Variants in AP3D1 observed in about 807,000 individuals in gnomAD.
AP3D1 encodes the protein adaptor related protein complex 3 subunit delta 1, also known as AP-3 complex subunit delta-1.
AP3D1 carries 51 observed loss-of-function variants against 147.6 expected under a neutral mutation model. That is an observed-to-expected ratio of 0.35 (90% CI 0.28 to 0.44). The LOEUF (loss-of-function observed/expected upper bound fraction) is 0.44, where lower values mean the gene tolerates loss of function less well. Ranked by LOEUF, AP3D1 falls within the 20% of genes least tolerant of loss-of-function variation. AP3D1 has a pLI of 1.00. For missense variants in AP3D1, 1,421 were observed against 1,624.2 expected (o/e 0.87, Z 2.15); for synonymous variants, 760 against 663.0 (o/e 1.15, Z -2.25).
At chr19:2,149,354 G>C (rs1213225116) in intron 1 of AP3D1, among the ~76,000 whole-genome samples, 1 of 152,078 alleles carries the variant, frequency 6.6e-6, no homozygotes, top group Non-Finnish European at 1.5e-5. Context: ...AGACCAGCCC[G>C]ACCAACATGG....
At chr19:2,126,172 C>G (rs968453698) in intron 9 of AP3D1, among the ~76,000 whole-genome samples, 4 of 152,188 alleles carry the variant, frequency 2.6e-5, no homozygotes, top group African/African-American at 9.6e-5. Flanking sequence ...TTGCCTCGGC[C>G]TCCTGAATAG....
At chr19:2,139,217 GCTTT>G (rs1403857483) in intron 1 of AP3D1, among the ~76,000 whole-genome samples, 1 of 152,060 alleles carries the variant, frequency 6.6e-6, no homozygotes, top group Admixed American at 6.6e-5. Flanking sequence ...GGGAGGGTTC[GCTTT>G]CTTTCTAGGC....
chr19:2,153,946 ATTTT>A (rs879565994), upstream of AP3D1, among the ~76,000 whole-genome samples: 1 of 74,404 alleles, frequency 1.3e-5, no homozygotes, highest in Non-Finnish European at 4.0e-5. Flanking sequence ...CCCAGCCTGA[ATTTT>A]TTTTTTTTTT....
intron 29 of AP3D1, 139 bp from the exon 30 acceptor site, chr19:2,109,346 T>C (rs1330068599): frequency 1.1e-5 from 13 of 1,154,920 alleles, no homozygotes; most frequent in East Asian, 2.6e-5. Context: ...TTGGGGGTCC[T>C]GGAAGGTGTG....
chr19:2,130,276 C>T, intron 6 of AP3D1, 132 bp downstream of exon 6: 2 of 1,407,182 alleles, frequency 1.4e-6, no homozygotes, highest in Non-Finnish European at 1.9e-6. Context: ...CCAGCCACCT[C>T]CAACAGGCAT....
chr19:2,160,998 A>G (rs1446425442), intron 1 of AP3D1, among the ~76,000 whole-genome samples: 3 of 151,874 alleles, frequency 2.0e-5, no homozygotes, highest in Non-Finnish European at 2.9e-5. Flanking sequence ...AGCCCCCAAG[A>G]GACTGCATCC....
chr19:2,160,219 G>A (rs190195202), intron 1 of AP3D1, among the ~76,000 whole-genome samples: 1 of 152,238 alleles, frequency 6.6e-6, no homozygotes, highest in Admixed American at 6.6e-5. Context: ...AAATGGCTCA[G>A]GAAAGAGATG....
rs766517518 is a variant in AP3D1 at position 2,110,857 on chromosome 19, C to G, written c.3025G>C (p.Val1009Leu). Residue 1009 changes from valine (V) to leucine (L), a missense_variant, in exon 27 of 32, where the codon GTC becomes CTC. By Grantham distance (32) the Val-to-Leu change is conservative. This residue lies in a region of AP3D1 where 791 missense variants were observed against 761.4 expected (regional missense o/e 1.04). Coordinates refer to ENST00000643116, the MANE Select transcript of AP3D1 (RefSeq NM_001261826.3). ...IRGSLQEDSQVTVAIVLENRS... is the reference protein window; with the variant it reads ...IRGSLQEDSQLTVAIVLENRS... ...TTCTCCAGCACGATGGCCACAGTGA[C>G]CTGGCTGTCCTCCTGCAGACTGCCC... 3.1e-6 allele frequency: 5 copies of G among 1,613,528 alleles called. No individual in the cohort carries two copies. In the South Asian group the frequency reaches 4.4e-5, roughly 14 times the overall value.
chr19:2,117,380 CAG>C lies in AP3D1; in HGVS notation c.1714-15_1714-14del, dbSNP rs555816803. The C allele has an allele frequency of 5.1e-6, 8 of 1,581,994 alleles. No individual in the cohort carries two copies. In the Admixed American group the frequency reaches 5.2e-5, roughly 10 times the overall value. ...GGATGCAGGACGCCTGTGGGGGACACAGGGGTCACTGCTGGCACCTGCCCGGA... is the reference window on the plus strand; with the variant it reads ...GGATGCAGGACGCCTGTGGGGGACACGGGTCACTGCTGGCACCTGCCCGGA... On this transcript the variant is annotated splice_polypyrimidine_tract_variant and intron_variant, in intron 15 of 31. Transcript: ENST00000643116.
intron 5 of AP3D1, among the ~76,000 whole-genome samples, chr19:2,131,448 CGAG>C (rs1418747060): frequency 4.3e-5 from 4 of 92,180 alleles, no homozygotes; most frequent in Non-Finnish European, 8.5e-5. Flanking sequence ...CAGGCAGCCA[CGAG>C]GGGACAGGGC....
At chr19:2,123,919 T>C (rs367687448) in intron 9 of AP3D1, 40 bp from the exon 10 acceptor site, 58 of 1,556,550 alleles carry the variant, frequency 3.7e-5, no homozygotes, top group Middle Eastern at 3.3e-4. Flanking sequence ...GTCAGCACCA[T>C]GGCCAGCGCC....
chr19:2,117,335 G>A lies in AP3D1; in HGVS notation c.1746C>T (p.Ile582=), dbSNP rs533590506. Residue 582 remains isoleucine, a synonymous_variant, in exon 16 of 32, where the codon ATC becomes ATT. Transcript: ENST00000643116. ...GCACGTCCTTGGCCTGAAGCTTCTG[G>A]ATGTGCTTGACCAGCTGCAGGATGC... ...ASCILQLVKH[I]QKLQAKDVPV... 16 of 1,611,312 alleles carry A rather than the reference G, an allele frequency of 9.9e-6. No individual in the cohort carries two copies. In the East Asian group the frequency reaches 3.6e-4, roughly 36 times the overall value.
rs773744394 is a variant in AP3D1, at chr19:2,111,661, C to A, written c.2937+18G>T. Reference sequence around the variant, plus strand: ...CAGGAACCCCGGCGTGGGGCGGGGGCGCTGAAGTACCCCTCACCGGGAGCT... The same window carrying A: ...CAGGAACCCCGGCGTGGGGCGGGGGAGCTGAAGTACCCCTCACCGGGAGCT... On this transcript the variant is annotated intron_variant, in intron 25 of 31. Transcript: ENST00000643116. 1 of 1,571,144 alleles carries A rather than the reference C, an allele frequency of 6.4e-7. No individual in the cohort carries two copies. The highest frequency in any genetic ancestry group is 1.3e-5 in the African/African-American group (1 of 74,166).
chr19:2,111,906 A>G, intron 24 of AP3D1, 78 bp from the exon 25 acceptor site: 1 of 1,597,064 alleles, frequency 6.3e-7, no homozygotes, highest in Non-Finnish European at 8.5e-7. Flanking sequence ...TCAGGATCAC[A>G]GCAGGGCTGC....
rs114460651 is a variant in AP3D1 at position 2,116,765 on chromosome 19, C to A, written c.1860-19G>T. ...GTCCAGGCTGCACCGGACAGGAGGG[C>A]CACACAAGGCAGTGTGTGACCGAGC... On this transcript the variant is annotated intron_variant, in intron 16 of 31. Coordinates refer to ENST00000643116, the MANE Select transcript of AP3D1 (RefSeq NM_001261826.3). 4 of 1,593,118 alleles carry A rather than the reference C, an allele frequency of 2.5e-6. No individual in the cohort carries two copies. Among genetic ancestry groups the A allele is most frequent in the South Asian group, 2.2e-5 (2 of 88,944 alleles).
At chr19:2,103,445 C>T (rs1321125295) in intron 31 of AP3D1, among the ~76,000 whole-genome samples, 1 of 151,986 alleles carries the variant, frequency 6.6e-6, no homozygotes, top group African/African-American at 2.4e-5. Flanking sequence ...CCTGAAGTGA[C>T]TGTGGAAGAA....
At chr19:2,113,674 G>A (rs1026773677) in intron 22 of AP3D1, among the ~76,000 whole-genome samples, 9 of 152,358 alleles carry the variant, frequency 5.9e-5, no homozygotes, top group Middle Eastern at 3.4e-3. Flanking sequence ...CAGAAGGCCC[G>A]TGGCGGCCCA....
At chr19:2,132,808 A>C (rs1157636666) in intron 4 of AP3D1, among the ~76,000 whole-genome samples, 1 of 152,144 alleles carries the variant, frequency 6.6e-6, no homozygotes. Flanking sequence ...CCAAGAGAGG[A>C]GCCGGGATGG....
chr19:2,142,722 T>A (rs2019253816), intron 1 of AP3D1, among the ~76,000 whole-genome samples: 1 of 151,646 alleles, frequency 6.6e-6, no homozygotes, highest in African/African-American at 2.4e-5. Flanking sequence ...CCGGTCCCCC[T>A]CACCCCAATG....
Sources: gnomAD v4.1 joint callset for allele counts (sites outside exome capture counted in the v4.1 genomes callset) on GRCh38, gnomAD v4.1.1 for gene constraint, gnomAD v4.1.1 regional missense constraint, MANE v1.5 for transcripts, NCBI Gene and HGNC (gene_info 2026-07-23, HGNC 2026-07-21) for gene names.